The following PCDHA4 variants were observed in gnomAD, a reference collection of about 807,000 sequenced individuals.
PCDHA4 encodes protocadherin alpha-4.
Under a neutral mutation model 61.4 loss-of-function variants are expected in PCDHA4, and 49 were observed. The observed-to-expected ratio is 0.80, with a 90% CI of 0.63 to 1.01. PCDHA4 has a LOEUF of 1.01. Ranked by LOEUF, PCDHA4 falls within the 50% of genes least tolerant of loss-of-function variation. The pLI is 0.00. For missense variants in PCDHA4, 1,254 were observed against 1,235.8 expected (o/e 1.01, Z -0.22); for synonymous variants, 590 against 550.3 (o/e 1.07, Z -1.01).
At chr5:140,883,940 G>A in intron 1 of PCDHA4, 1 of 1,613,412 alleles carries the variant, frequency 6.2e-7, no homozygotes, top group Non-Finnish European at 8.5e-7. Flanking sequence ...CGTGCTGGAC[G>A]AGAACGACAA....
At position 140,887,996 on chromosome 5, in the gene PCDHA4, AAT is replaced by A. The variant is rs1258672316; in HGVS notation, c.2385+78426_2385+78427del. 4.6e-5 allele frequency among the ~76,000 whole-genome samples: 7 copies of A among 152,330 alleles called. No individual in the cohort carries two copies. In the East Asian group the frequency reaches 7.7e-4, roughly 17 times the overall value. ...AAATTTATTTTACATGTCTCCACCGAATAGTCATCTTTTTATCTATATGTTTG... is the reference window on the plus strand; with the variant it reads ...AAATTTATTTTACATGTCTCCACCGAAGTCATCTTTTTATCTATATGTTTG... On this transcript the variant is annotated intron_variant, in intron 1 of 3. Coordinates refer to ENST00000530339, the MANE Select transcript of PCDHA4 (RefSeq NM_018907.4).
In PCDHA4 at chr5:140,929,359, C is replaced by T; in HGVS notation, c.2386-49590C>T. 3.3e-6 allele frequency: 5 copies of T among 1,522,308 alleles called. No homozygotes were observed. In the South Asian group the frequency reaches 6.6e-5, roughly 20 times the overall value. 94.3% of individuals were successfully genotyped at this position (1,522,308 alleles called of 1,614,324 possible). ...ATTTTATGGAATTTGATTCCTTTGG[C>T]CCGGAGATGGCTGCTAGCTGTGTTT... On this transcript the variant is annotated intron_variant, in intron 1 of 3. Transcript: ENST00000530339.
chr5:140,898,560 G>T lies in PCDHA4; in HGVS notation c.2386-80389G>T, dbSNP rs185604146. On this transcript the variant is annotated intron_variant, in intron 1 of 3. Coordinates refer to ENST00000530339, the MANE Select transcript of PCDHA4 (RefSeq NM_018907.4). ...TTCCATTTATCTATGTCTCTGTTTT[G>T]GTACCAGTGCCATGCTGTTTTGGTT... Among the ~76,000 whole-genome samples the T allele has an allele frequency of 5.1e-3, 775 of 152,210 alleles. 4 individuals carry two copies. The highest frequency in any genetic ancestry group is 8.5e-3 in the Non-Finnish European group (578 of 68,016).
chr5:140,846,690 C>A (rs1189779221), intron 1 of PCDHA4, among the ~76,000 whole-genome samples: 2 of 149,102 alleles, frequency 1.3e-5, no homozygotes, highest in African/African-American at 4.9e-5. Context: ...GCTTTCTTAG[C>A]AAGTAGAGAA....
intron 1 of PCDHA4, among the ~76,000 whole-genome samples, chr5:140,936,918 T>C (rs2091208385): frequency 6.6e-6 from 1 of 152,198 alleles, no homozygotes; most frequent in Non-Finnish European, 1.5e-5. Flanking sequence ...CTGTAGAAAA[T>C]ATGGGGTATA....
chr5:140,841,059 A>G, intron 1 of PCDHA4: 1 of 449,736 alleles, frequency 2.2e-6, no homozygotes, highest in Non-Finnish European at 3.9e-6. Context: ...CTATTAAATT[A>G]TGATAAAGAA....
rs192109857 is a variant in PCDHA4 at position 140,852,433 on chromosome 5, G to A, written c.2385+42861G>A. 4.2e-4 allele frequency: 75 copies of A among 180,184 alleles called. 1 individual carries two copies. The East Asian group carries it at 0.014, about 33-fold the overall frequency. The allele number at this position is 180,184 out of a possible 1,614,324, so 11.2% of individuals were successfully genotyped here. A position where few individuals can be genotyped will look rare whatever the true frequency, so the allele number is the denominator to read the frequency against. The stretch of plus-strand genomic sequence containing the variant: ...GCTGGGATTATAGGCACATGCCACC[G>A]CGCCCAGCTAATTTTTGTATTTTTA... On this transcript the variant is annotated intron_variant, in intron 1 of 3. Transcript: ENST00000530339.
intron 1 of PCDHA4, among the ~76,000 whole-genome samples, chr5:140,905,859 A>T (rs2072155643): frequency 1.3e-5 from 2 of 152,192 alleles, no homozygotes; most frequent in Non-Finnish European, 2.9e-5. Context: ...GTATTAACTC[A>T]CACAATCACA....
At chr5:140,856,942 G>A (rs781940181) in intron 1 of PCDHA4, 5 of 1,593,170 alleles carry the variant, frequency 3.1e-6, no homozygotes, top group Admixed American at 3.4e-5. Context: ...ACGAAAGGAC[G>A]GGAGAAATAA....
At chr5:140,858,363 C>G in intron 1 of PCDHA4, 1 of 1,591,358 alleles carries the variant, frequency 6.3e-7, no homozygotes, top group Non-Finnish European at 8.6e-7. Flanking sequence ...GCCTTCAGCC[C>G]CAGCCTTCCA....
intron 3 of PCDHA4, among the ~76,000 whole-genome samples, chr5:140,992,700 G>A (rs2097525204): frequency 6.6e-6 from 1 of 152,162 alleles, no homozygotes; most frequent in Non-Finnish European, 1.5e-5. Flanking sequence ...GGTGGGTAAT[G>A]TTCCTGCCAG....
Position 140,997,281 on chromosome 5 carries a change from T to C in PCDHA4, c.2534-12346T>C, listed in dbSNP as rs143161972. Reference sequence around the variant, plus strand: ...CTCTTCCAAATATTTCTTGCATCACTTAACAATGGGGATACACTGAGAAAT... The same window carrying C: ...CTCTTCCAAATATTTCTTGCATCACCTAACAATGGGGATACACTGAGAAAT... On this transcript the variant is annotated intron_variant, in intron 3 of 3. Transcript: ENST00000530339. 1.4e-3 allele frequency among the ~76,000 whole-genome samples: 209 copies of C among 152,340 alleles called. 2 individuals carry two copies. Among genetic ancestry groups the C allele is most frequent in the African/African-American group, 4.7e-3 (195 of 41,574 alleles).
At chr5:140,882,629 G>C in intron 1 of PCDHA4, 1 of 1,614,254 alleles carries the variant, frequency 6.2e-7, no homozygotes, top group Non-Finnish European at 8.5e-7. Context: ...CCATGTGGAG[G>C]TGAAGGTGAG....
In PCDHA4 at chr5:140,869,957, A is replaced by G. The variant is rs782483772; in HGVS notation, c.2385+60385A>G. The stretch of plus-strand genomic sequence containing the variant: ...GTAACATACTCCTTAATGTCAATTA[A>G]GCCCAATGGAAGACACTTATTTACA... On this transcript the variant is annotated intron_variant, in intron 1 of 3. Transcript: ENST00000530339. 4 of 1,613,040 alleles carry G rather than the reference A, an allele frequency of 2.5e-6. No homozygotes were observed. The South Asian group carries it at 4.4e-5, about 18-fold the overall frequency.
At chr5:140,849,834 G>C in intron 1 of PCDHA4, 1 of 1,598,606 alleles carries the variant, frequency 6.3e-7, no homozygotes, top group South Asian at 1.1e-5. Flanking sequence ...GGAGGTGGCC[G>C]ACGTGAACGA....
chr5:140,807,237 T>C lies in PCDHA4; in HGVS notation c.50T>C (p.Leu17Ser), dbSNP rs781879266. The C allele has an allele frequency of 3.1e-6, 5 of 1,614,076 alleles. No individual in the cohort carries two copies. The highest frequency in any genetic ancestry group is 4.2e-6 in the Non-Finnish European group (5 of 1,180,026). ...SGQESRRLLL[L>S]LLLLAAWEAG... The stretch of plus-strand genomic sequence containing the variant: ...CAGGAATCCCGGCGTCTGCTGCTCT[T>C]ACTTCTTCTCCTCGCAGCCTGGGAG... The change falls in exon 1 of 4, where the codon TTA (leucine) becomes TCA (serine). Residue 17 changes from leucine to serine, a missense_variant. Physicochemically the swap from Leu to Ser is moderately radical, Grantham distance 145. Coordinates refer to ENST00000530339, the MANE Select transcript of PCDHA4 (RefSeq NM_018907.4).
At chr5:140,841,325 GA>G in intron 1 of PCDHA4, 4 of 1,608,154 alleles carry the variant, frequency 2.5e-6, no homozygotes, top group Non-Finnish European at 3.4e-6. Flanking sequence ...ATTTAACATG[GA>G]TTATCACTGG....
intron 1 of PCDHA4, among the ~76,000 whole-genome samples, chr5:140,941,214 C>CCTTCTTTCTTTCTTT (rs1554214040): frequency 8.2e-6 from 1 of 122,414 alleles, no homozygotes; most frequent in Non-Finnish European, 1.7e-5. Context: ...TTTCTTTCTT[C>CCTTCTTTCTTTCTTT]CTTTCTTTCT....
chr5:140,883,403 T>C (rs1009539034), intron 1 of PCDHA4: 1 of 1,614,168 alleles, frequency 6.2e-7, no homozygotes, highest in Non-Finnish European at 8.5e-7. Context: ...CGATCGTGAC[T>C]CTGGCTCAAA....
Sources: gnomAD v4.1 joint callset for allele counts (sites outside exome capture counted in the v4.1 genomes callset) on GRCh38, gnomAD v4.1.1 for gene constraint, MANE v1.5 for transcripts, NCBI Gene and HGNC (gene_info 2026-07-23, HGNC 2026-07-21) for gene names.